RBFOX2: variants seen among roughly 807,000 people sequenced by gnomAD.
The protein encoded by RBFOX2 is RNA binding fox-1 homolog 2, also known as RNA binding protein fox-1 homolog 2.
Under a neutral mutation model 49.1 loss-of-function variants are expected in RBFOX2, and 10 were observed. The ratio of observed to expected loss-of-function variants is 0.20; its 90% CI spans 0.13 to 0.35. The LOEUF is 0.35. Ranked by LOEUF, RBFOX2 falls within the 10% of genes least tolerant of loss-of-function variation. RBFOX2 has a pLI of 1.00. For synonymous variants in RBFOX2, 183 were observed against 187.4 expected, an observed-to-expected ratio of 0.98 and a Z score of 0.19; for missense variants, 323 against 486.9, an observed-to-expected ratio of 0.66 and a Z score of 3.17.
intron 1 of RBFOX2, among the ~76,000 whole-genome samples, chr22:35,892,303 A>C (rs1432606582): frequency 1.3e-5 from 2 of 152,286 alleles, no homozygotes; most frequent in African/African-American, 4.8e-5. Context: ...GAGGTTTCTG[A>C]AACCCGTATT....
chr22:35,990,308 T>A (rs1194054131), intron 1 of RBFOX2, among the ~76,000 whole-genome samples: 2 of 151,450 alleles, frequency 1.3e-5, no homozygotes, highest in African/African-American at 4.9e-5. Flanking sequence ...AAAAATACAA[T>A]GAAAAATGAA....
intron 4 of RBFOX2, 58 bp from the exon 6 acceptor site, chr22:35,768,407 C>A: frequency 7.0e-7 from 1 of 1,432,016 alleles, no homozygotes; most frequent in Non-Finnish European, 9.8e-7. Flanking sequence ...AAATACTGAT[C>A]TCTTGGTAAA....
At chr22:35,740,161 C>T (rs1436937172) in exon 12 of RBFOX2, 1 of 152,406 alleles carries the variant, frequency 6.6e-6, no homozygotes, top group Non-Finnish European at 1.5e-5. Context: ...ACTCACTAAA[C>T]CAGAGGGCAC....
intron 1 of RBFOX2, among the ~76,000 whole-genome samples, chr22:35,992,097 A>G (rs2058007119): frequency 6.6e-6 from 1 of 152,150 alleles, no homozygotes. Flanking sequence ...TAGGACTCTA[A>G]ACCCCAAACT....
intron 1 of RBFOX2, chr22:35,836,519 A>G (rs757230137): frequency 6.6e-6 from 1 of 152,388 alleles, no homozygotes; most frequent in Non-Finnish European, 1.5e-5. Flanking sequence ...CTGCTGCCAC[A>G]TGGACTCACT....
intron 9 of RBFOX2, among the ~76,000 whole-genome samples, chr22:35,751,403 T>C (rs1934859487): frequency 6.6e-6 from 1 of 151,674 alleles, no homozygotes; most frequent in Admixed American, 6.6e-5. Context: ...GAGCAGAGGG[T>C]TGGGGGATGG....
In RBFOX2 at chr22:35,766,782, G is replaced by A. The variant is rs943675054; in HGVS notation, c.547-1299C>T. Reference sequence around the variant, plus strand: ...GGAGCAAGAGCTGAAACCAGCTGCTGGAGCAGAAAGCAACCAAGCACTTAA... The same window carrying A: ...GGAGCAAGAGCTGAAACCAGCTGCTAGAGCAGAAAGCAACCAAGCACTTAA... On this transcript the variant is annotated intron_variant, in intron 5 of 11. Transcript: ENST00000405409. Among the ~76,000 whole-genome samples, 16 of 152,288 alleles carry A rather than the reference G, an allele frequency of 1.1e-4. No individual in the cohort carries two copies. In the East Asian group the frequency reaches 2.7e-3, roughly 26 times the overall value.
At chr22:36,012,715 G>T (rs1307381686) in intron 1 of RBFOX2, among the ~76,000 whole-genome samples, 1 of 152,088 alleles carries the variant, frequency 6.6e-6, no homozygotes, top group Non-Finnish European at 1.5e-5. Flanking sequence ...TAAAAAAATA[G>T]ATTGTATAAG....
chr22:35,845,024 TA>T (rs980458428), upstream of RBFOX2, among the ~76,000 whole-genome samples: 8 of 152,090 alleles, frequency 5.3e-5, no homozygotes, highest in African/African-American at 1.9e-4. Flanking sequence ...AGCACTGCTA[TA>T]AAAGTGGATC....
intron 1 of RBFOX2, among the ~76,000 whole-genome samples, chr22:35,891,241 C>T (rs2149370375): frequency 6.6e-6 from 1 of 152,180 alleles, no homozygotes; most frequent in South Asian, 2.1e-4. Flanking sequence ...TCAAGCAATT[C>T]TTCTGCCTCA....
intron 1 of RBFOX2, among the ~76,000 whole-genome samples, chr22:35,911,524 C>A (rs2049828464): frequency 6.6e-6 from 1 of 152,064 alleles, no homozygotes; most frequent in Admixed American, 6.6e-5. Flanking sequence ...ATACAGGATA[C>A]CACATTCTCT....
At chr22:35,850,191 C>T (rs2041757438) in intron 1 of RBFOX2, among the ~76,000 whole-genome samples, 1 of 68,188 alleles carries the variant, frequency 1.5e-5, no homozygotes. Flanking sequence ...GTCTCTCTCT[C>T]ATACACACAC....
At position 35,934,845 on chromosome 22, in the gene RBFOX2, C is replaced by T. The variant is rs541226800; in HGVS notation, c.-34+4002G>A. On this transcript the variant is annotated intron_variant, in intron 1 of 13. Coordinates refer to the RBFOX2 transcript ENST00000359369. The stretch of plus-strand genomic sequence containing the variant: ...TCTAGCCTTAATCAAGGCCTGGGAA[C>T]ACGCCTAAGCACATGCACAAATCAC... 5.9e-5 allele frequency among the ~76,000 whole-genome samples: 9 copies of T among 152,312 alleles called. 2 individuals carry two copies. In the South Asian group the frequency reaches 1.9e-3, roughly 32 times the overall value.
chr22:35,870,203 G>C (rs1204996426), intron 1 of RBFOX2, among the ~76,000 whole-genome samples: 1 of 152,136 alleles, frequency 6.6e-6, no homozygotes, highest in East Asian at 1.9e-4. Context: ...GGAGGCCCAG[G>C]AGTTTCTATT....
At chr22:35,852,305 T>C (rs749454392) in intron 1 of RBFOX2, among the ~76,000 whole-genome samples, 1 of 151,958 alleles carries the variant, frequency 6.6e-6, no homozygotes, top group Non-Finnish European at 1.5e-5. Context: ...GGTACCAATC[T>C]CCCACAGATA....
chr22:35,897,399 G>C (rs1203037884), intron 1 of RBFOX2: 1 of 1,010,592 alleles, frequency 9.9e-7, no homozygotes, highest in Admixed American at 1.7e-5. Flanking sequence ...TTCTAAGCTG[G>C]GCAGGTGAGA....
At chr22:35,826,465 G>T (rs538323143) in intron 1 of RBFOX2, among the ~76,000 whole-genome samples, 1 of 151,752 alleles carries the variant, frequency 6.6e-6, no homozygotes, top group South Asian at 2.1e-4. Flanking sequence ...TAATCTTAAA[G>T]TTCTCCATGT....
intron 1 of RBFOX2, among the ~76,000 whole-genome samples, chr22:35,905,471 T>C (rs1160448927): frequency 1.3e-5 from 2 of 152,194 alleles, no homozygotes; most frequent in African/African-American, 4.8e-5. Context: ...ATAAATTTTA[T>C]AGTTATACAA....
chr22:35,948,822 TA>T (rs2054598696), intron 1 of RBFOX2, among the ~76,000 whole-genome samples: 1 of 152,166 alleles, frequency 6.6e-6, no homozygotes, highest in Non-Finnish European at 1.5e-5. Flanking sequence ...TGGTTAAATA[TA>T]CATAAAGTTA....
Sources: gnomAD v4.1 joint callset for allele counts (sites outside exome capture counted in the v4.1 genomes callset) on GRCh38, gnomAD v4.1.1 for gene constraint, MANE v1.5 for transcripts, NCBI Gene and HGNC (gene_info 2026-07-23, HGNC 2026-07-21) for gene names.